Variants in ACMSD observed in about 807,000 individuals in gnomAD.
The protein encoded by ACMSD is 2-amino-3-carboxymuconate-6-semialdehyde decarboxylase.
In ACMSD, 37 loss-of-function variants were observed where a neutral mutation model predicts 45.9. The observed-to-expected ratio is 0.81, with a 90% CI of 0.62 to 1.06. The LOEUF (loss-of-function observed/expected upper bound fraction) is 1.06. Among genes scored for constraint, ACMSD ranks in the 50% least tolerant of loss-of-function variants. The pLI is 0.00. For synonymous variants in ACMSD, 138 were observed against 148.8 expected, an observed-to-expected ratio of 0.93 and a Z score of 0.53; for missense variants, 434 against 420.9, an observed-to-expected ratio of 1.03 and a Z score of -0.27.
intron 8 of ACMSD, among the ~76,000 whole-genome samples, chr2:134,890,557 C>A (rs937212399): frequency 6.6e-6 from 1 of 151,848 alleles, no homozygotes; most frequent in Non-Finnish European, 1.5e-5. Context: ...CTATGGATAA[C>A]GAAATAACAC....
Position 134,858,905 on chromosome 2 carries a change from A to G in ACMSD, c.103-356A>G, listed in dbSNP as rs1352867939. Reference sequence around the variant, plus strand: ...AAGGTTCTTTTCAATTCTAAATGTTATAGAACTACCATTTTCCAGACGCTG... The same window carrying G: ...AAGGTTCTTTTCAATTCTAAATGTTGTAGAACTACCATTTTCCAGACGCTG... On this transcript the variant is annotated intron_variant, in intron 2 of 9. Coordinates refer to ENST00000356140, the MANE Select transcript of ACMSD (RefSeq NM_138326.3). Among the ~76,000 whole-genome samples the G allele has an allele frequency of 4.7e-5, 7 of 149,622 alleles. No homozygotes were observed. In the Admixed American group the frequency reaches 4.7e-4, roughly 10 times the overall value.
chr2:134,850,847 T>C (rs940870808), intron 2 of ACMSD, among the ~76,000 whole-genome samples: 1 of 152,164 alleles, frequency 6.6e-6, no homozygotes, highest in Non-Finnish European at 1.5e-5. Context: ...CCTGGGTGTA[T>C]CAAGTGACGC....
intron 2 of ACMSD, among the ~76,000 whole-genome samples, chr2:134,854,731 A>C (rs1210304917): frequency 1.1e-4 from 17 of 152,250 alleles, no homozygotes; most frequent in Admixed American, 9.8e-4. Context: ...CAGAATTTAT[A>C]ATTGTGAACG....
chr2:134,869,738 CA>C (rs1688327794), intron 6 of ACMSD, among the ~76,000 whole-genome samples: 1 of 150,508 alleles, frequency 6.6e-6, no homozygotes, highest in South Asian at 2.1e-4. Flanking sequence ...CACAAGAAAA[CA>C]GGCTAATTTT....
chr2:134,860,451 T>C (rs983326422), intron 3 of ACMSD, among the ~76,000 whole-genome samples: 1 of 152,068 alleles, frequency 6.6e-6, no homozygotes, highest in African/African-American at 2.4e-5. Flanking sequence ...ACCACTGACA[T>C]TGTCAGAACT....
chr2:134,885,318 T>TAA (rs1312818797), intron 8 of ACMSD, among the ~76,000 whole-genome samples: 1 of 98,992 alleles, frequency 1.0e-5, no homozygotes, highest in Non-Finnish European at 1.8e-5. Context: ...TATATATATA[T>TAA]AAATATATAT....
intron 9 of ACMSD, among the ~76,000 whole-genome samples, chr2:134,898,933 C>G (rs4954195): frequency 0.054 from 8,276 of 151,972 alleles, 345 homozygotes; most frequent in Middle Eastern, 0.21. Context: ...ATAATGCTAC[C>G]ATTACCTAGT....
intron 1 of ACMSD, 44 bp downstream of exon 1, chr2:134,838,783 G>A (rs368027343): frequency 6.7e-6 from 10 of 1,488,860 alleles, no homozygotes; most frequent in African/African-American, 1.4e-5. Flanking sequence ...AACTTCTCCA[G>A]GGTTTCTCAA....
intron 2 of ACMSD, among the ~76,000 whole-genome samples, chr2:134,848,557 T>C (rs934173433): frequency 1.3e-5 from 2 of 152,248 alleles, no homozygotes; most frequent in Admixed American, 6.5e-5. Context: ...TGCATGTTTG[T>C]TGGGCACATA....
At chr2:134,843,945 A>T (rs1686929675) in intron 1 of ACMSD, among the ~76,000 whole-genome samples, 1 of 152,216 alleles carries the variant, frequency 6.6e-6, no homozygotes, top group South Asian at 2.1e-4. Flanking sequence ...TGCGTCTCAC[A>T]CGCAATGATG....
chr2:134,895,349 A>AAT (rs1690066138), intron 8 of ACMSD, among the ~76,000 whole-genome samples: 1 of 140,042 alleles, frequency 7.1e-6, no homozygotes, highest in Non-Finnish European at 1.5e-5. Context: ...ATATATATAT[A>AAT]ACATATATAA....
chr2:134,842,289 G>A (rs191174774), intron 1 of ACMSD, among the ~76,000 whole-genome samples: 1 of 152,092 alleles, frequency 6.6e-6, no homozygotes, highest in African/African-American at 2.4e-5. Flanking sequence ...GAATAAAGTT[G>A]CCCTAAATAA....
intron 8 of ACMSD, among the ~76,000 whole-genome samples, chr2:134,878,272 G>A (rs1490568572): frequency 1.3e-5 from 2 of 152,138 alleles, no homozygotes; most frequent in Admixed American, 1.3e-4. Context: ...GCACATATTG[G>A]TAGTTCCTTT....
At chr2:134,844,060 T>C (rs1278642254) in intron 1 of ACMSD, among the ~76,000 whole-genome samples, 1 of 152,224 alleles carries the variant, frequency 6.6e-6, no homozygotes, top group East Asian at 1.9e-4. Context: ...TAGTAAGGCT[T>C]GTCATAGATG....
rs76788631 is a variant in ACMSD, at chr2:134,871,735, G to A, written c.676+675G>A. ...CACAATCAAACTACACATGTTACTC[G>A]CTAACATGCCTTTCCTCCTCAACAG... On this transcript the variant is annotated intron_variant, in intron 7 of 9. Transcript: ENST00000356140. Among the ~76,000 whole-genome samples, 365 of 145,840 alleles carry A rather than the reference G, an allele frequency of 2.5e-3. 1 individual carries two copies. The highest frequency in any genetic ancestry group is 8.7e-3 in the African/African-American group (341 of 39,236).
chr2:134,881,767 C>T (rs1689051938), intron 8 of ACMSD, among the ~76,000 whole-genome samples: 1 of 152,142 alleles, frequency 6.6e-6, no homozygotes, highest in Non-Finnish European at 1.5e-5. Flanking sequence ...ATGGGAGGAT[C>T]ACTTGAGGTC....
intron 9 of ACMSD, among the ~76,000 whole-genome samples, chr2:134,900,549 T>C (rs1296543822): frequency 6.6e-6 from 1 of 152,120 alleles, no homozygotes; most frequent in Non-Finnish European, 1.5e-5. Context: ...AGTTCTCAAC[T>C]TAATAAGGAA....
At chr2:134,872,265 C>T (rs554929631) in intron 7 of ACMSD, among the ~76,000 whole-genome samples, 3 of 152,284 alleles carry the variant, frequency 2.0e-5, no homozygotes, top group African/African-American at 4.8e-5. Context: ...CCTGTCTTCT[C>T]TCTTTAAGAT....
rs377498690 is a variant in ACMSD, at chr2:134,872,505, A to G, written c.713A>G (p.His238Arg). Residue 238 changes from histidine to arginine, a missense_variant, in exon 8 of 10, where the codon CAT (histidine) becomes CGT (arginine). His to Arg is a conservative substitution (Grantham distance 29). Coordinates refer to ENST00000356140, the MANE Select transcript of ACMSD (RefSeq NM_138326.3). ...CCCTTCACAGTGGGAAGAATCTCCC[A>G]TGGATTCAGCATGCGCCCAGATCTG... ...AFPFTVGRIS[H>R]GFSMRPDLCA... is the part of the protein sequence containing the mutation. 3 of 1,614,036 alleles carry G rather than the reference A, an allele frequency of 1.9e-6. No homozygotes were observed. The highest frequency in any genetic ancestry group is 1.3e-5 in the African/African-American group (1 of 74,930).
Sources: gnomAD v4.1 joint callset for allele counts (sites outside exome capture counted in the v4.1 genomes callset) on GRCh38, gnomAD v4.1.1 for gene constraint, MANE v1.5 for transcripts, NCBI Gene and HGNC (gene_info 2026-07-23, HGNC 2026-07-21) for gene names.